The following VEPH1 variants were observed in gnomAD, a reference collection of about 807,000 sequenced individuals.
The protein encoded by VEPH1 is ventricular zone expressed PH domain containing 1.
In VEPH1, 80 loss-of-function variants were observed where a neutral mutation model predicts 85.2. The ratio of observed to expected loss-of-function variants is 0.94; its 90% CI spans 0.78 to 1.13. The LOEUF (loss-of-function observed/expected upper bound fraction) is 1.13. Ranked by LOEUF, VEPH1 falls within the 50% of genes most tolerant of loss-of-function variation. The pLI is 0.00. For missense variants in VEPH1, 955 were observed against 980.5 expected (o/e 0.97, Z 0.35); for synonymous variants, 297 against 348.0 (o/e 0.85, Z 1.63).
chr3:157,502,581 G>A (rs1355255784), intron 1 of VEPH1, among the ~76,000 whole-genome samples: 3 of 152,078 alleles, frequency 2.0e-5, no homozygotes, highest in South Asian at 2.1e-4. Context: ...AATGTTAAAT[G>A]TATCTTCATT....
chr3:157,437,382 G>A lies in VEPH1; in HGVS notation c.530-8894C>T, dbSNP rs932708300. The A allele has an allele frequency of 3.3e-5, 36 of 1,096,490 alleles. No individual in the cohort carries two copies. The East Asian group carries it at 8.0e-4, about 24-fold the overall frequency. The allele number at this position is 1,096,490 out of a possible 1,614,324, so 67.9% of individuals were successfully genotyped here. A position where few individuals can be genotyped will look rare whatever the true frequency, so the allele number is the denominator to read the frequency against. ...GACATTTACATGCTGTTTTTCGGAG[G>A]TGTCCTTAAAGGGAAGGGGAATGCC... On this transcript the variant is annotated intron_variant, in intron 4 of 13. Transcript: ENST00000362010.
chr3:157,399,678 C>T (rs563366717), intron 6 of VEPH1, among the ~76,000 whole-genome samples: 12 of 152,082 alleles, frequency 7.9e-5, no homozygotes, highest in Admixed American at 5.2e-4. Flanking sequence ...GCTATTTTAG[C>T]CTTAAAATAT....
chr3:157,364,109 C>T (rs777817910), intron 8 of VEPH1, among the ~76,000 whole-genome samples, 194 bp downstream of exon 8: 3 of 152,100 alleles, frequency 2.0e-5, no homozygotes, highest in Non-Finnish European at 4.4e-5. Flanking sequence ...GTTTTCCATT[C>T]ATAGTACCCA....
intron 11 of VEPH1, among the ~76,000 whole-genome samples, chr3:157,294,714 G>C (rs1413514909): frequency 6.6e-6 from 1 of 152,184 alleles, no homozygotes; most frequent in Admixed American, 6.5e-5. Flanking sequence ...TTAGTTTAGG[G>C]CTGTGAAAAT....
chr3:157,431,695 G>C (rs943733707), intron 4 of VEPH1, among the ~76,000 whole-genome samples: 1 of 151,990 alleles, frequency 6.6e-6, no homozygotes, highest in Admixed American at 6.6e-5. Flanking sequence ...CCAGCAGCAT[G>C]AGTGTTTCTG....
chr3:157,294,517 G>A (rs1717891064), intron 11 of VEPH1, among the ~76,000 whole-genome samples: 1 of 152,144 alleles, frequency 6.6e-6, no homozygotes, highest in Admixed American at 6.5e-5. Flanking sequence ...GTGATTTAAT[G>A]GTGTGCATCC....
At chr3:157,267,151 A>G (rs1379999817) in intron 12 of VEPH1, among the ~76,000 whole-genome samples, 2 of 134,216 alleles carry the variant, frequency 1.5e-5, no homozygotes, top group African/African-American at 5.7e-5. Flanking sequence ...GCTGGAGTGC[A>G]GTGGCACGAT....
chr3:157,464,096 T>C (rs1193540717), intron 3 of VEPH1, among the ~76,000 whole-genome samples: 1 of 152,224 alleles, frequency 6.6e-6, no homozygotes, highest in Non-Finnish European at 1.5e-5. Context: ...CTAATTGATT[T>C]GGTCATTTTT....
intron 9 of VEPH1, among the ~76,000 whole-genome samples, chr3:157,328,038 T>C (rs1365701112): frequency 6.6e-6 from 1 of 152,174 alleles, no homozygotes; most frequent in African/African-American, 2.4e-5. Flanking sequence ...TTGGGCAAGT[T>C]ACATAACCTC....
chr3:157,437,754 C>T (rs1733739062), intron 4 of VEPH1: 2 of 1,490,250 alleles, frequency 1.3e-6, no homozygotes, highest in Non-Finnish European at 8.8e-7. Context: ...TGCAGGCGAC[C>T]CGCGACGCGG....
At chr3:157,359,325 C>T (rs188434261) in intron 9 of VEPH1, among the ~76,000 whole-genome samples, 5 of 152,296 alleles carry the variant, frequency 3.3e-5, no homozygotes, top group Admixed American at 3.3e-4. Context: ...TGCCCTTTGG[C>T]ACATGAATTC....
At chr3:157,400,638 A>C (rs929890263) in intron 6 of VEPH1, among the ~76,000 whole-genome samples, 7 of 152,132 alleles carry the variant, frequency 4.6e-5, no homozygotes, top group African/African-American at 1.7e-4. Context: ...ATTTTTCCCT[A>C]AATGGCATTC....
intron 4 of VEPH1, among the ~76,000 whole-genome samples, chr3:157,449,988 C>G (rs1734832065): frequency 6.7e-6 from 1 of 149,902 alleles, no homozygotes; most frequent in Non-Finnish European, 1.5e-5. Context: ...ATTGATCTCA[C>G]TTCCAGCACT....
chr3:157,295,115 A>ACT (rs1717960968), intron 11 of VEPH1, among the ~76,000 whole-genome samples: 1 of 152,228 alleles, frequency 6.6e-6, no homozygotes, highest in South Asian at 2.1e-4. Context: ...TACAGACCCT[A>ACT]GGATGTGTAA....
At chr3:157,358,556 C>T (rs925815233) in intron 9 of VEPH1, among the ~76,000 whole-genome samples, 25 of 152,216 alleles carry the variant, frequency 1.6e-4, no homozygotes, top group Non-Finnish European at 3.2e-4. Flanking sequence ...AGTGGATGGG[C>T]GTAATCAACA....
intron 11 of VEPH1, among the ~76,000 whole-genome samples, chr3:157,293,362 T>C (rs1290905487): frequency 6.6e-6 from 1 of 152,224 alleles, no homozygotes; most frequent in Non-Finnish European, 1.5e-5. Context: ...CATGACTATA[T>C]GAGGCCAATG....
chr3:157,373,413 T>C (rs1358105134), intron 7 of VEPH1, among the ~76,000 whole-genome samples: 2 of 152,174 alleles, frequency 1.3e-5, no homozygotes, highest in African/African-American at 4.8e-5. Context: ...CCCTTTGTAT[T>C]AATTGGAAAA....
At chr3:157,498,094 T>C (rs1046569982) in intron 1 of VEPH1, among the ~76,000 whole-genome samples, 1 of 152,214 alleles carries the variant, frequency 6.6e-6, no homozygotes. Context: ...AATAGCTTTA[T>C]GGAGGAAATG....
intron 3 of VEPH1, among the ~76,000 whole-genome samples, chr3:157,462,052 T>C (rs1400356558): frequency 1.4e-5 from 2 of 147,952 alleles, no homozygotes; most frequent in African/African-American, 2.4e-5. Flanking sequence ...TTTATATATA[T>C]AATATATATT....
Sources: allele counts gnomAD v4.1 joint callset (sites outside exome capture counted in the v4.1 genomes callset), GRCh38; gene constraint gnomAD v4.1.1; transcripts MANE v1.5; gene names NCBI Gene and HGNC (gene_info 2026-07-23, HGNC 2026-07-21).